The following EEF2K variants were observed in gnomAD, a reference collection of about 807,000 sequenced individuals.
EEF2K encodes alternative protein EEF2K.
EEF2K carries 70 observed loss-of-function variants against 93.8 expected under a neutral mutation model. That is an observed-to-expected ratio of 0.75 (90% confidence interval 0.62 to 0.91). The LOEUF (loss-of-function observed/expected upper bound fraction) is 0.91, where lower values mean the gene tolerates loss of function less well. EEF2K is among the 40% of genes least tolerant of loss of function. The pLI, the probability that EEF2K is intolerant of heterozygous loss-of-function variation, is 0.00. For missense variants in EEF2K, 935 were observed against 972.9 expected (o/e 0.96, Z 0.52); for synonymous variants, 376 against 380.8 (o/e 0.99, Z 0.15).
intron 1 of EEF2K, among the ~76,000 whole-genome samples, chr16:22,211,999 C>CTG (rs1371357877): frequency 4.6e-5 from 7 of 151,988 alleles, no homozygotes; most frequent in Admixed American, 3.3e-4. Context: ...GTGAGACGTG[C>CTG]TGTATCCCTG....
chr16:22,266,398 A>T lies in EEF2K; in HGVS notation c.1449A>T (p.Val483=). 1 of 1,614,026 alleles carries T rather than the reference A, an allele frequency of 6.2e-7. No homozygotes were observed. The highest frequency in any genetic ancestry group is 1.3e-5 in the African/African-American group (1 of 75,020). Residue 483 remains valine (V), a synonymous_variant, in exon 14 of 18, where the codon GTA becomes GTT. Coordinates refer to ENST00000263026, the MANE Select transcript of EEF2K (RefSeq NM_013302.5). ...DSLGSSGRVC[V]EKWNLLNSSR... ...CGGTTCTTTCCCTTCAGGTATGTGT[A>T]GAGAAGTGGAATCTCCTCAACTCCT...
At chr16:22,238,173 C>G (rs2047185832) in intron 2 of EEF2K, among the ~76,000 whole-genome samples, 1 of 151,988 alleles carries the variant, frequency 6.6e-6, no homozygotes, top group African/African-American at 2.4e-5. Context: ...ACCTGTAATC[C>G]CAGATACTCA....
rs367549911 is a variant in EEF2K at position 22,248,771 on chromosome 16, G to A, written c.364G>A (p.Gly122Arg). The change falls in exon 4 of 18, where the codon GGG (glycine) becomes AGG (arginine). Residue 122 changes from glycine to arginine, a missense_variant. By Grantham distance (125) the Gly-to-Arg change is moderately radical. Coordinates refer to ENST00000263026, the MANE Select transcript of EEF2K (RefSeq NM_013302.5). ...ATRHRYNAVT[G>R]EWLDDEVLIK... ...TCTCTGCAGGTACAACGCCGTCACC[G>A]GGGAATGGCTGGATGATGAAGTTCT... is the stretch of plus-strand genomic sequence containing the variant. 37 of 1,613,748 alleles carry A rather than the reference G, an allele frequency of 2.3e-5. No homozygotes were observed. The Middle Eastern group carries it at 4.9e-4, about 22-fold the overall frequency.
chr16:22,279,274 A>G (rs534542745), intron 16 of EEF2K, among the ~76,000 whole-genome samples: 214 of 133,434 alleles, frequency 1.6e-3, no homozygotes, highest in African/African-American at 5.5e-3. Flanking sequence ...GTTATACTCT[A>G]TTGCCCAGGC....
chr16:22,280,377 G>A lies in EEF2K; in HGVS notation c.2068+1G>A. On this transcript the variant is annotated splice_donor_variant, in intron 17 of 17. Transcript: ENST00000263026. LOFTEE classifies it high-confidence loss of function. ...CTGGAGAAGGACCCGCAGAGATCAG[G>A]TAGGGCCTGGCAGACCTGCCCCTGG... The A allele has an allele frequency of 6.6e-7, 1 of 1,523,594 alleles. No homozygotes were observed. Among genetic ancestry groups the A allele is most frequent in the South Asian group, 1.3e-5 (1 of 77,968 alleles). 94.4% of individuals were successfully genotyped at this position (1,523,594 alleles called of 1,614,324 possible). A position where few individuals can be genotyped will look rare whatever the true frequency, so the allele number is the denominator to read the frequency against.
chr16:22,224,897 G>A (rs2047048181), intron 1 of EEF2K, among the ~76,000 whole-genome samples: 1 of 151,826 alleles, frequency 6.6e-6, no homozygotes, highest in South Asian at 2.1e-4. Flanking sequence ...AGGTTGCAGT[G>A]AGCCAAGATC....
chr16:22,232,974 T>C (rs1244779156), intron 2 of EEF2K, among the ~76,000 whole-genome samples: 2 of 152,054 alleles, frequency 1.3e-5, no homozygotes, highest in African/African-American at 4.8e-5. Context: ...CAGCAGGTAT[T>C]GGGTGTGGAT....
chr16:22,247,815 C>T (rs983217667), intron 3 of EEF2K, among the ~76,000 whole-genome samples: 8 of 152,080 alleles, frequency 5.3e-5, no homozygotes, highest in South Asian at 4.2e-4. Context: ...CCTTTCTACC[C>T]GTACACCGGC....
At chr16:22,226,517 C>CTTCTTTTTTTTTTTTTTTTT (rs1555469266) in intron 2 of EEF2K, among the ~76,000 whole-genome samples, 2 of 106,900 alleles carry the variant, frequency 1.9e-5, no homozygotes, top group East Asian at 3.3e-4. Flanking sequence ...CCTTCTTCTT[C>CTTCTTTTTTTTTTTTTTTTT]TTTTTTTTTT....
intron 2 of EEF2K, among the ~76,000 whole-genome samples, chr16:22,244,156 G>A (rs1050679305): frequency 1.3e-4 from 20 of 151,788 alleles, no homozygotes; most frequent in Non-Finnish European, 2.4e-4. Context: ...TTGAACCCGG[G>A]AGGTGGAGGT....
intron 2 of EEF2K, 107 bp downstream of exon 2, chr16:22,226,082 A>G (rs1319132087): frequency 6.7e-7 from 1 of 1,491,958 alleles, no homozygotes; most frequent in East Asian, 2.3e-5. Flanking sequence ...AACCCTGGAC[A>G]GTGCTCTAAA....
rs190960311 is a variant in EEF2K, at chr16:22,208,971, G to A, written c.-77+2292G>A. Among the ~76,000 whole-genome samples, 54 of 152,212 alleles carry A rather than the reference G, an allele frequency of 3.5e-4. No homozygotes were observed. The East Asian group carries it at 6.4e-3, about 18-fold the overall frequency. ...AAAACCTCTCACTCTTTCCTTATTT[G>A]TTGGACAAGTCAAGGCGACTTTGAA... On this transcript the variant is annotated intron_variant, in intron 1 of 17. Transcript: ENST00000263026.
chr16:22,268,271 CA>C (rs1461361808), intron 15 of EEF2K, among the ~76,000 whole-genome samples: 1 of 151,926 alleles, frequency 6.6e-6, no homozygotes, highest in African/African-American at 2.4e-5. Context: ...CTCCACTTCC[CA>C]GGTTCAAGCA....
intron 1 of EEF2K, among the ~76,000 whole-genome samples, chr16:22,225,348 C>T (rs1428800073): frequency 6.6e-6 from 1 of 152,184 alleles, no homozygotes; most frequent in Non-Finnish European, 1.5e-5. Flanking sequence ...GGGCGTTAAG[C>T]AGAGGAGTGC....
At chr16:22,249,939 G>T (rs1387005537) in intron 4 of EEF2K, among the ~76,000 whole-genome samples, 1 of 151,570 alleles carries the variant, frequency 6.6e-6, no homozygotes, top group Non-Finnish European at 1.5e-5. Flanking sequence ...GCACCATCAC[G>T]CCCAGCCAAT....
chr16:22,264,719 C>CA (rs2047500192), intron 12 of EEF2K, 99 bp from the exon 13 acceptor site: 1 of 1,397,232 alleles, frequency 7.2e-7, no homozygotes, highest in South Asian at 1.2e-5. Context: ...CTAGGAGGGC[C>CA]AGGCTGGTTC....
In EEF2K at chr16:22,244,775, G is replaced by A. The variant is rs373963789; in HGVS notation, c.347+45G>A. 285 of 1,596,826 alleles carry A rather than the reference G, an allele frequency of 1.8e-4. 1 individual carries two copies. The highest frequency in any genetic ancestry group is 2.3e-4 in the Non-Finnish European group (266 of 1,166,082). ...TCTCGAGGAGTCCTGGGGGCTATACGTCCAGCTTCTGTTCCCAATCAGTGA... is the reference window on the plus strand; with the variant it reads ...TCTCGAGGAGTCCTGGGGGCTATACATCCAGCTTCTGTTCCCAATCAGTGA... On this transcript the variant is annotated intron_variant, in intron 3 of 17. Coordinates refer to ENST00000263026, the MANE Select transcript of EEF2K (RefSeq NM_013302.5).
intron 16 of EEF2K, among the ~76,000 whole-genome samples, chr16:22,276,812 A>G (rs1385935435): frequency 6.6e-6 from 1 of 152,102 alleles, no homozygotes; most frequent in Non-Finnish European, 1.5e-5. Context: ...TAATCCTAAC[A>G]CTTTGGGAGG....
chr16:22,244,650 C>A lies in EEF2K; in HGVS notation c.267C>A (p.Ile89=). The A allele has an allele frequency of 6.2e-7, 1 of 1,614,016 alleles. No individual in the cohort carries two copies. Among genetic ancestry groups the A allele is most frequent in the Non-Finnish European group, 8.5e-7 (1 of 1,179,938 alleles). ...CACAGGAAGCCTGGAAGCACGCAAT[C>A]CAGAAGGCCAAGCACATGCCCGACC... ...FHFKEAWKHA[I]QKAKHMPDPW... Residue 89 remains isoleucine (I), a synonymous_variant, in exon 3 of 18, where the codon ATC becomes ATA. Transcript: ENST00000263026.
Sources: allele counts gnomAD v4.1 joint callset (sites outside exome capture counted in the v4.1 genomes callset), GRCh38; gene constraint gnomAD v4.1.1; transcripts MANE v1.5; gene names NCBI Gene and HGNC (gene_info 2026-07-23, HGNC 2026-07-21).